Variants in MICAL2 observed in about 807,000 individuals in gnomAD.
The protein encoded by MICAL2 is microtubule associated monooxygenase, calponin and LIM domain containing 2.
A neutral mutation model predicts 127.3 loss-of-function variants in MICAL2; 77 were observed. That is an observed-to-expected ratio of 0.60 (90% confidence interval 0.50 to 0.73). The LOEUF is 0.73. MICAL2 is among the 30% of genes least tolerant of loss of function. The pLI is 0.00. For missense variants in MICAL2, 1,351 were observed against 1,434.4 expected, an observed-to-expected ratio of 0.94 and a Z score of 0.94; for synonymous variants, 570 against 551.1, an observed-to-expected ratio of 1.03 and a Z score of -0.48.
intron 3 of MICAL2, chr11:12,197,890 T>A (rs181098585): frequency 6.6e-6 from 1 of 152,218 alleles, no homozygotes; most frequent in Non-Finnish European, 1.5e-5. Flanking sequence ...TTAGTTGGTT[T>A]TTTTAGGGAA....
At chr11:12,216,930 G>A (rs773919963) in intron 8 of MICAL2, among the ~76,000 whole-genome samples, 19 of 152,184 alleles carry the variant, frequency 1.2e-4, no homozygotes, top group South Asian at 2.1e-4. Context: ...CACAGTGCCC[G>A]GCAGAGGGTG....
At chr11:12,113,550 C>T (rs977493797) in intron 1 of MICAL2, among the ~76,000 whole-genome samples, 1 of 152,258 alleles carries the variant, frequency 6.6e-6, no homozygotes, top group African/African-American at 2.4e-5. Flanking sequence ...AGTCATCTCC[C>T]TTATCCGCGG....
At chr11:12,339,819 A>C (rs1938829844) in intron 32 of MICAL2, among the ~76,000 whole-genome samples, 1 of 152,156 alleles carries the variant, frequency 6.6e-6, no homozygotes, top group Non-Finnish European at 1.5e-5. Context: ...TTTGTCTCAG[A>C]GGAGTACCCA....
chr11:12,184,250 A>G (rs779901688), intron 3 of MICAL2, among the ~76,000 whole-genome samples: 2 of 152,254 alleles, frequency 1.3e-5, no homozygotes, highest in Non-Finnish European at 2.9e-5. Flanking sequence ...TACCTTTGTC[A>G]TGATTACTGT....
At chr11:12,205,488 T>C (rs2134135906) in intron 4 of MICAL2, among the ~76,000 whole-genome samples, 1 of 152,338 alleles carries the variant, frequency 6.6e-6, no homozygotes, top group African/African-American at 2.4e-5. Flanking sequence ...GATTTTGGCA[T>C]ACTCAGGGGT....
intron 21 of MICAL2, among the ~76,000 whole-genome samples, chr11:12,248,614 T>C (rs1322377011): frequency 6.6e-6 from 1 of 152,204 alleles, no homozygotes; most frequent in Non-Finnish European, 1.5e-5. Flanking sequence ...GCACTGAGCA[T>C]TGCAAAAGGA....
intron 3 of MICAL2, among the ~76,000 whole-genome samples, chr11:12,193,613 A>G (rs1590278416): frequency 6.6e-6 from 1 of 152,172 alleles, no homozygotes; most frequent in East Asian, 1.9e-4. Flanking sequence ...TACTTCAAAG[A>G]AAGGTGGCAG....
At chr11:12,179,270 C>CCT (rs1857172233) in intron 3 of MICAL2, among the ~76,000 whole-genome samples, 1 of 152,198 alleles carries the variant, frequency 6.6e-6, no homozygotes, top group Admixed American at 6.5e-5. Context: ...CCTCCACCTG[C>CCT]CTCTGCCCAG....
intron 32 of MICAL2, among the ~76,000 whole-genome samples, chr11:12,333,518 G>A (rs1025641077): frequency 6.6e-6 from 1 of 152,130 alleles, no homozygotes; most frequent in Non-Finnish European, 1.5e-5. Flanking sequence ...CTTTGTGCAG[G>A]AGATCCCAAC....
intron 30 of MICAL2, among the ~76,000 whole-genome samples, chr11:12,322,272 T>C (rs1312742317): frequency 6.6e-6 from 1 of 152,176 alleles, no homozygotes; most frequent in Non-Finnish European, 1.5e-5. Flanking sequence ...AGACAATCTC[T>C]GGATGACAGT....
At chr11:12,348,815 CTACAGAA>C (rs1378525553) in intron 32 of MICAL2, among the ~76,000 whole-genome samples, 1 of 152,146 alleles carries the variant, frequency 6.6e-6, no homozygotes, top group African/African-American at 2.4e-5. Context: ...ATAAGTGTAT[CTACAGAA>C]AAGTTTGTTA....
intron 33 of MICAL2, among the ~76,000 whole-genome samples, chr11:12,352,856 C>T (rs185477271): frequency 6.6e-6 from 1 of 152,320 alleles, no homozygotes; most frequent in East Asian, 1.9e-4. Context: ...CTGAGAAAGT[C>T]TTGGCCAGGC....
upstream of MICAL2, among the ~76,000 whole-genome samples, chr11:12,273,364 A>G (rs1863692617): frequency 6.6e-6 from 1 of 152,158 alleles, no homozygotes; most frequent in African/African-American, 2.4e-5. Flanking sequence ...TAATGCTGCC[A>G]CCACCACCAC....
At chr11:12,322,733 A>T (rs1864312821) in intron 30 of MICAL2, among the ~76,000 whole-genome samples, 1 of 152,328 alleles carries the variant, frequency 6.6e-6, no homozygotes, top group South Asian at 2.1e-4. Flanking sequence ...TATGTATAAT[A>T]TATACTCCTA....
intron 3 of MICAL2, among the ~76,000 whole-genome samples, chr11:12,169,212 G>A (rs1427657204): frequency 3.2e-5 from 3 of 92,964 alleles, no homozygotes; most frequent in Non-Finnish European, 4.9e-5. Context: ...TTTTCTTAAT[G>A]GGAAAAAAAA....
rs60780125 is a variant in MICAL2 at position 12,199,694 on chromosome 11, C to T, written c.265-4556C>T. Among the ~76,000 whole-genome samples, 387 of 152,286 alleles carry T rather than the reference C, an allele frequency of 2.5e-3. 4 individuals carry two copies. The highest frequency in any genetic ancestry group is 5.9e-3 in the African/African-American group (246 of 41,550). On this transcript the variant is annotated intron_variant, in intron 3 of 27. Transcript: ENST00000683283. Reference sequence around the variant, plus strand: ...GCAGAAGTCACACGTGAGCTGGGGCCGCCCAGTCCTTGTGTCCTGACTGTG... The same window carrying T: ...GCAGAAGTCACACGTGAGCTGGGGCTGCCCAGTCCTTGTGTCCTGACTGTG...
chr11:12,277,128 TG>T (rs1863729719), intron 1 of MICAL2, among the ~76,000 whole-genome samples: 2 of 152,086 alleles, frequency 1.3e-5, no homozygotes, highest in South Asian at 4.2e-4. Flanking sequence ...GTGGTCTTGG[TG>T]GGCTCGCCTG....
intron 32 of MICAL2, among the ~76,000 whole-genome samples, chr11:12,337,237 G>A (rs971920762): frequency 6.6e-6 from 1 of 152,184 alleles, no homozygotes; most frequent in Non-Finnish European, 1.5e-5. Context: ...TAGTTTATTT[G>A]CGTAGAGGTG....
intron 3 of MICAL2, among the ~76,000 whole-genome samples, chr11:12,169,367 AG>A (rs1457915566): frequency 7.9e-6 from 1 of 126,546 alleles, no homozygotes; most frequent in Non-Finnish European, 1.7e-5. Flanking sequence ...ATAGCACAAT[AG>A]CACCATCTCT....
Sources: allele counts gnomAD v4.1 joint callset (sites outside exome capture counted in the v4.1 genomes callset), GRCh38; gene constraint gnomAD v4.1.1; transcripts MANE v1.5; gene names NCBI Gene and HGNC (gene_info 2026-07-23, HGNC 2026-07-21).